The following RPSA2 variants were observed in gnomAD, a reference collection of about 807,000 sequenced individuals.
The protein encoded by RPSA2 is ribosomal protein SA 2.
chr19:23,859,770 TCA>T, the RPSA2 span, among the ~76,000 whole-genome samples: 1 of 152,206 alleles, frequency 6.6e-6, no homozygotes, highest in Non-Finnish European at 1.5e-5. Context: ...ATATCTCCAT[TCA>T]GCTCCCAGTG....
the RPSA2 span, chr19:23,832,490 C>A: frequency 1.9e-6 from 1 of 517,950 alleles, no homozygotes; most frequent in Non-Finnish European, 3.5e-6. Flanking sequence ...ATGTGGCAAA[C>A]CTTTTAGCCA....
chr19:23,840,624 G>T, the RPSA2 span, among the ~76,000 whole-genome samples: 1 of 152,134 alleles, frequency 6.6e-6, no homozygotes, highest in Non-Finnish European at 1.5e-5. Flanking sequence ...GTGCCTTCTA[G>T]AATGCTTAAA....
At chr19:23,863,810 A>G in the RPSA2 span, among the ~76,000 whole-genome samples, 1 of 152,064 alleles carries the variant, frequency 6.6e-6, no homozygotes, top group Non-Finnish European at 1.5e-5. Context: ...AGTGTTAACC[A>G]CTCCACTTCC....
At chr19:23,840,539 G>A in the RPSA2 span, among the ~76,000 whole-genome samples, 1 of 152,124 alleles carries the variant, frequency 6.6e-6, no homozygotes, top group African/African-American at 2.4e-5. Flanking sequence ...ATTTTTAAAT[G>A]CACACTTAAA....
chr19:23,817,322 C>T, the RPSA2 span, among the ~76,000 whole-genome samples: 13 of 152,294 alleles, frequency 8.5e-5, no homozygotes, highest in Admixed American at 4.6e-4. Context: ...GGAGAGGTTG[C>T]AGTGAGCCAA....
the RPSA2 span, among the ~76,000 whole-genome samples, chr19:23,761,901 A>ATCCTTCCTTCCTCCC: frequency 1.5e-4 from 5 of 34,016 alleles, no homozygotes; most frequent in Admixed American, 1.2e-3. Flanking sequence ...GGGTAACGTA[A>ATCCTTCCTTCCTCCC]TTCTTTCTTT....
the RPSA2 span, among the ~76,000 whole-genome samples, chr19:23,849,114 C>G: frequency 6.6e-6 from 1 of 152,190 alleles, no homozygotes; most frequent in Non-Finnish European, 1.5e-5. Flanking sequence ...GTATAAATGA[C>G]AATTAATACA....
At chr19:23,795,515 A>C in the RPSA2 span, among the ~76,000 whole-genome samples, 3 of 151,996 alleles carry the variant, frequency 2.0e-5, no homozygotes, top group African/African-American at 7.2e-5. Flanking sequence ...ATTTTTGTAC[A>C]TTTATTTTGT....
chr19:23,826,184 TC>T, the RPSA2 span, among the ~76,000 whole-genome samples: 1 of 151,640 alleles, frequency 6.6e-6, no homozygotes, highest in Non-Finnish European at 1.5e-5. Context: ...TTTAATTTTT[TC>T]TTTTTTTCTT....
the RPSA2 span, among the ~76,000 whole-genome samples, chr19:23,759,421 C>G: frequency 2.6e-5 from 4 of 151,788 alleles, no homozygotes; most frequent in African/African-American, 9.7e-5. Flanking sequence ...CACCTTACAC[C>G]CAGAGTTCAC....
the RPSA2 span, among the ~76,000 whole-genome samples, chr19:23,868,952 G>A: frequency 6.6e-6 from 1 of 152,152 alleles, no homozygotes; most frequent in African/African-American, 2.4e-5. Flanking sequence ...GGACACTCAA[G>A]AAAACCATGC....
the RPSA2 span, among the ~76,000 whole-genome samples, chr19:23,823,542 A>T: frequency 2.6e-5 from 4 of 151,856 alleles, no homozygotes; most frequent in Non-Finnish European, 4.4e-5. Flanking sequence ...ACAGTCACAC[A>T]CCGTCCTACT....
the RPSA2 span, chr19:23,832,734 T>A: frequency 6.5e-7 from 1 of 1,547,582 alleles, no homozygotes; most frequent in South Asian, 1.1e-5. Flanking sequence ...GTGAAGAATA[T>A]GAAAAAGCTT....
At chr19:23,844,936 A>T in the RPSA2 span, among the ~76,000 whole-genome samples, 1 of 149,336 alleles carries the variant, frequency 6.7e-6, no homozygotes, top group Non-Finnish European at 1.5e-5. Context: ...TGACTCAATC[A>T]TGCTACTCAT....
the RPSA2 span, among the ~76,000 whole-genome samples, chr19:23,869,171 C>G: frequency 5.3e-5 from 8 of 152,160 alleles, no homozygotes; most frequent in Non-Finnish European, 8.8e-5. Context: ...GGAGCATGGG[C>G]TCCAGGACCC....
chr19:23,855,089 C>A, the RPSA2 span, among the ~76,000 whole-genome samples: 13 of 152,100 alleles, frequency 8.5e-5, no homozygotes, highest in Non-Finnish European at 1.5e-4. Flanking sequence ...GCCTGGGGCA[C>A]GTAATTTATC....
the RPSA2 span, among the ~76,000 whole-genome samples, chr19:23,851,290 A>C: frequency 4.6e-5 from 7 of 152,222 alleles, no homozygotes; most frequent in Non-Finnish European, 8.8e-5. Context: ...AGCAGTGGAC[A>C]GTAAGCTTAG....
At chr19:23,793,682 C>G in the RPSA2 span, among the ~76,000 whole-genome samples, 1 of 152,030 alleles carries the variant, frequency 6.6e-6, no homozygotes, top group Non-Finnish European at 1.5e-5. Context: ...TCTGTCTCAG[C>G]TTCCTGAATA....
chr19:23,771,212 A>G, the RPSA2 span, among the ~76,000 whole-genome samples: 31 of 152,266 alleles, frequency 2.0e-4, no homozygotes, highest in East Asian at 3.3e-3. Flanking sequence ...ACACAGCTCA[A>G]TGTTGAGGTT....
Sources: gnomAD v4.1 joint callset for allele counts (sites outside exome capture counted in the v4.1 genomes callset) on GRCh38, gnomAD v4.1.1 for gene constraint, MANE v1.5 for transcripts, NCBI Gene and HGNC (gene_info 2026-07-23, HGNC 2026-07-21) for gene names.